RUNX1T1: variants seen among roughly 807,000 people sequenced by gnomAD.
RUNX1T1 encodes the protein RUNX1 partner transcriptional co-repressor 1, also known as protein CBFA2T1.
Under a neutral mutation model 62.8 loss-of-function variants are expected in RUNX1T1, and 4 were observed. The observed-to-expected ratio is 0.06, with a 90% CI of 0.03 to 0.15. RUNX1T1 has a LOEUF of 0.15. Among genes scored for constraint, RUNX1T1 ranks in the 10% least tolerant of loss-of-function variants. The pLI is 1.00. For synonymous variants in RUNX1T1, 291 were observed against 286.0 expected (o/e 1.02, Z -0.18); for missense variants, 508 against 754.3 (o/e 0.67, Z 3.82).
chr8:92,051,602 ACTCTCTCTCTCT>A, intron 1 of RUNX1T1, among the ~76,000 whole-genome samples: 1 of 140,904 alleles, frequency 7.1e-6, no homozygotes, highest in Admixed American at 7.1e-5. Flanking sequence ...ACACACACAC[ACTCTCTCTCTCT>A]CTCTCTCTCA....
intron 1 of RUNX1T1, among the ~76,000 whole-genome samples, chr8:92,021,255 A>G (rs1008889039): frequency 9.9e-5 from 15 of 152,204 alleles, no homozygotes; most frequent in African/African-American, 3.6e-4. Context: ...CTAGAGAGGC[A>G]TCAAGGTGGG....
Position 92,055,465 on chromosome 8 carries a change from A to G in RUNX1T1, c.7+7081T>C, listed in dbSNP as rs1422707125. ...TAATTTATTAATTTTTTTTTGAGAC[A>G]GGGTTTCACTGTGTTGCTCAGGCTG... On this transcript the variant is annotated intron_variant, in intron 1 of 10. Coordinates refer to ENST00000396218, the Ensembl canonical transcript of RUNX1T1. 2.0e-5 allele frequency among the ~76,000 whole-genome samples: 3 copies of G among 152,128 alleles called. No individual in the cohort carries two copies. The East Asian group carries it at 5.8e-4, about 29-fold the overall frequency.
chr8:91,971,498 CAGAT>C (rs1812817110), intron 9 of RUNX1T1, among the ~76,000 whole-genome samples: 1 of 152,134 alleles, frequency 6.6e-6, no homozygotes, highest in South Asian at 2.1e-4. Flanking sequence ...AAAGGTAACT[CAGAT>C]AGCAATTAAG....
intron 1 of RUNX1T1, among the ~76,000 whole-genome samples, chr8:92,020,876 T>C (rs1359207525): frequency 6.6e-6 from 1 of 151,374 alleles, no homozygotes; most frequent in Non-Finnish European, 1.5e-5. Flanking sequence ...TAATCTGCCA[T>C]GGCACTTACT....
intron 2 of RUNX1T1, among the ~76,000 whole-genome samples, chr8:92,072,760 A>T (rs1833874761): frequency 6.6e-6 from 1 of 152,254 alleles, no homozygotes; most frequent in Non-Finnish European, 1.5e-5. Flanking sequence ...AGACCCCTCA[A>T]ACATGACCAA....
chr8:92,023,902 A>T (rs1458801624), intron 1 of RUNX1T1, among the ~76,000 whole-genome samples: 2 of 152,154 alleles, frequency 1.3e-5, no homozygotes, highest in Non-Finnish European at 2.9e-5. Context: ...CTTCTCCAAG[A>T]TCTTTATATT....
intron 1 of RUNX1T1, among the ~76,000 whole-genome samples, chr8:92,017,883 A>G (rs541115547): frequency 6.6e-6 from 1 of 152,334 alleles, no homozygotes; most frequent in African/African-American, 2.4e-5. Context: ...TCTTCCAGGC[A>G]TATTTCGCAT....
intron 4 of RUNX1T1, among the ~76,000 whole-genome samples, chr8:92,008,666 G>T (rs775030341): frequency 6.6e-6 from 1 of 152,092 alleles, no homozygotes; most frequent in Non-Finnish European, 1.5e-5. Context: ...TTTTGGCAAA[G>T]CATTCGCTGG....
chr8:92,048,416 T>C (rs1225617175), intron 1 of RUNX1T1, among the ~76,000 whole-genome samples: 2 of 152,146 alleles, frequency 1.3e-5, no homozygotes, highest in Admixed American at 6.5e-5. Flanking sequence ...TGGTGGCTCA[T>C]ACCTGTAATC....
At chr8:92,066,721 G>C (rs1298596012), upstream of RUNX1T1, among the ~76,000 whole-genome samples, 4 of 152,160 alleles carry the variant, frequency 2.6e-5, no homozygotes, top group African/African-American at 9.7e-5. Context: ...CCCTGACAAA[G>C]ATAAATCCAA....
intron 4 of RUNX1T1, among the ~76,000 whole-genome samples, chr8:92,008,429 C>G (rs1821298805): frequency 6.7e-6 from 1 of 148,308 alleles, no homozygotes; most frequent in Non-Finnish European, 1.5e-5. Flanking sequence ...CACACACACA[C>G]GAGACTATGT....
chr8:91,955,275 A>C (rs1809184061), downstream of RUNX1T1: 1 of 223,324 alleles, frequency 4.5e-6, no homozygotes, highest in South Asian at 1.8e-4. Context: ...TAAGGGAACT[A>C]AGTCAACGGG....
intron 1 of RUNX1T1, among the ~76,000 whole-genome samples, chr8:92,056,879 C>T (rs570669071): frequency 1.3e-5 from 2 of 152,140 alleles, no homozygotes; most frequent in East Asian, 1.9e-4. Flanking sequence ...TCTGACCTTC[C>T]GATTAACAAA....
chr8:92,051,891 TAA>T (rs113781343), intron 1 of RUNX1T1, among the ~76,000 whole-genome samples: 7 of 142,780 alleles, frequency 4.9e-5, no homozygotes, highest in African/African-American at 1.0e-4. Flanking sequence ...TCATGCTCTT[TAA>T]AAAAAAAAAA....
chr8:91,970,506 T>C lies in RUNX1T1; in HGVS notation c.1458+152A>G, dbSNP rs1471970803. On this transcript the variant is annotated intron_variant, in intron 10 of 10. Transcript: ENST00000396218. ...CAATAAAAAGACAAATGTGATCAGCTCTTGGCAAATTTCATGAATACCTTG... is the reference window on the plus strand; with the variant it reads ...CAATAAAAAGACAAATGTGATCAGCCCTTGGCAAATTTCATGAATACCTTG... The C allele has an allele frequency of 4.6e-6, 3 of 647,286 alleles. No homozygotes were observed. In the African/African-American group the frequency reaches 5.6e-5, roughly 12 times the overall value. The allele number at this position is 647,286 out of a possible 1,614,324, so 40.1% of individuals were successfully genotyped here. A position where few individuals can be genotyped will look rare whatever the true frequency, so the allele number is the denominator to read the frequency against.
intron 5 of RUNX1T1, among the ~76,000 whole-genome samples, chr8:92,002,925 A>G (rs986753809): frequency 3.3e-5 from 5 of 152,220 alleles, no homozygotes; most frequent in Non-Finnish European, 7.3e-5. Flanking sequence ...AAAATACTGT[A>G]GAGGCCCATA....
At chr8:92,091,050 G>A (rs184526115) in intron 1 of RUNX1T1, among the ~76,000 whole-genome samples, 4 of 152,258 alleles carry the variant, frequency 2.6e-5, no homozygotes, top group South Asian at 2.1e-4. Context: ...AGTGGTCTGT[G>A]CCCCAGGTGT....
chr8:92,003,649 C>A (rs545588156), intron 5 of RUNX1T1, among the ~76,000 whole-genome samples: 1 of 152,280 alleles, frequency 6.6e-6, no homozygotes, highest in African/African-American at 2.4e-5. Context: ...GTATGTCATA[C>A]TCATTTTCTG....
intron 1 of RUNX1T1, among the ~76,000 whole-genome samples, chr8:92,089,208 G>C (rs991319622): frequency 7.3e-5 from 11 of 151,698 alleles, no homozygotes; most frequent in Admixed American, 4.6e-4. Flanking sequence ...CCCTAGCCTG[G>C]GTTTACTATT....
Sources: gnomAD v4.1 joint callset for allele counts (sites outside exome capture counted in the v4.1 genomes callset) on GRCh38, gnomAD v4.1.1 for gene constraint, MANE v1.5 for transcripts, NCBI Gene and HGNC (gene_info 2026-07-23, HGNC 2026-07-21) for gene names.